The following MDN1 variants were observed in gnomAD, a reference collection of about 807,000 sequenced individuals.
MDN1 encodes midasin.
MDN1 carries 266 observed loss-of-function variants against 669.2 expected under a neutral mutation model. The observed-to-expected ratio is 0.40, with a 90% CI of 0.36 to 0.44. The LOEUF is 0.44. Among genes scored for constraint, MDN1 ranks in the 20% least tolerant of loss-of-function variants. The pLI is 1.00. For missense variants in MDN1, 5,940 were observed against 6,754.0 expected (o/e 0.88, Z 4.22); for synonymous variants, 2,385 against 2,457.1 (o/e 0.97, Z 0.87).
intron 34 of MDN1, among the ~76,000 whole-genome samples, chr6:89,731,605 G>C (rs1268279028): frequency 1.3e-5 from 2 of 151,852 alleles, no homozygotes; most frequent in South Asian, 2.1e-4. Context: ...ACTGGGGCCT[G>C]TCAGGGGATG....
chr6:89,654,525 C>G (rs879718), intron 92 of MDN1, among the ~76,000 whole-genome samples, 191 bp from the exon 93 acceptor site: 1 of 151,792 alleles, frequency 6.6e-6, no homozygotes, highest in Admixed American at 6.6e-5. Flanking sequence ...ACATAATGAA[C>G]TGCCTGTTCC....
intron 1 of MDN1, among the ~76,000 whole-genome samples, chr6:89,816,424 C>G (rs1242373088): frequency 3.8e-5 from 2 of 52,048 alleles, no homozygotes; most frequent in Non-Finnish European, 3.9e-5. Context: ...GGTGAGGAGA[C>G]TGCATTTGGG....
intron 33 of MDN1, among the ~76,000 whole-genome samples, chr6:89,736,454 C>T (rs950143369): frequency 5.9e-5 from 9 of 152,300 alleles, no homozygotes; most frequent in East Asian, 1.9e-4. Context: ...AATCCAGCCC[C>T]GACACAGACC....
At chr6:89,758,205 A>G (rs989014199) in intron 19 of MDN1, 50 bp downstream of exon 19, 6 of 1,450,660 alleles carry the variant, frequency 4.1e-6, no homozygotes, top group East Asian at 2.3e-5. Flanking sequence ...TGGGCAACAG[A>G]GCAAGAACCT....
Position 89,673,238 on chromosome 6 carries a change from C to A in MDN1, c.13472G>T (p.Gly4491Val). ...CCTGACTGAACAATATTCCTTACCTCCTTGGCTATCTGAAGTAAGCAGATG... is the reference window on the plus strand; with the variant it reads ...CCTGACTGAACAATATTCCTTACCTACTTGGCTATCTGAAGTAAGCAGATG... ...KTHLLTSDSQ[G>V]GNQMLDEGFV... is the part of the protein sequence containing the mutation. Residue 4491 changes from glycine to valine, a missense_variant and splice_region_variant, in exon 80 of 102, where the codon GGA (glycine) becomes GTA (valine). Physicochemically the swap from Gly to Val is moderately radical, Grantham distance 109. Around this residue, in one of 5 missense-constraint regions of MDN1, gnomAD observed 2,280 missense variants for 2,576.3 expected, o/e 0.88. Coordinates refer to ENST00000369393, the MANE Select transcript of MDN1 (RefSeq NM_014611.3). The A allele has an allele frequency of 6.2e-7, 1 of 1,612,368 alleles. No individual in the cohort carries two copies. The highest frequency in any genetic ancestry group is 1.7e-5 in the Admixed American group (1 of 60,022).
intron 1 of MDN1, chr6:89,815,183 C>T: frequency 2.6e-6 from 1 of 386,526 alleles, no homozygotes; most frequent in Non-Finnish European, 5.1e-6. Context: ...GCTCACGTGC[C>T]TACCCTCTAC....
chr6:89,770,400 C>CA (rs572130757), intron 15 of MDN1, among the ~76,000 whole-genome samples: 1,036 of 60,804 alleles, frequency 0.017, 6 homozygotes, highest in Middle Eastern at 0.045. Flanking sequence ...GACTCTGTCT[C>CA]AAAAAAAAAA....
intron 65 of MDN1, among the ~76,000 whole-genome samples, chr6:89,689,519 G>A (rs963124199): frequency 2.0e-5 from 3 of 152,044 alleles, no homozygotes; most frequent in African/African-American, 7.2e-5. Context: ...CATTTCAAAA[G>A]CACTAAGGCT....
At chr6:89,743,323 C>T (rs551325827) in intron 30 of MDN1, 43 bp from the exon 31 acceptor site, 108 of 1,610,974 alleles carry the variant, frequency 6.7e-5, no homozygotes, top group Middle Eastern at 6.6e-4. Flanking sequence ...GCAGGTGGCT[C>T]CACAGACAAT....
At position 89,730,938 on chromosome 6, in the gene MDN1, A is replaced by C. The variant is rs1449993574; in HGVS notation, c.4943-15T>G. On this transcript the variant is annotated splice_polypyrimidine_tract_variant and intron_variant, in intron 34 of 101. Transcript: ENST00000369393. ...GGAAGTTACCCCTAAAAGACAGAGGATCAGTCCATGAAGCAACAGTACAAC... is the reference window on the plus strand; with the variant it reads ...GGAAGTTACCCCTAAAAGACAGAGGCTCAGTCCATGAAGCAACAGTACAAC... 1 of 1,611,528 alleles carries C rather than the reference A, an allele frequency of 6.2e-7. No individual in the cohort carries two copies. The highest frequency in any genetic ancestry group is 8.5e-7 in the Non-Finnish European group (1 of 1,178,164).
rs116360466 is a variant in MDN1 at position 89,648,037 on chromosome 6, C to A, written c.16390G>T (p.Ala5464Ser). 12 of 1,609,236 alleles carry A rather than the reference C, an allele frequency of 7.5e-6. No individual in the cohort carries two copies. Among genetic ancestry groups the A allele is most frequent in the Non-Finnish European group, 1.0e-5 (12 of 1,175,506 alleles). ...ATTTTATTTCATCCTCTTACCTGAGCAATCTTGGTTTTCTTTTGTTGGAAT... is the reference window on the plus strand; with the variant it reads ...ATTTTATTTCATCCTCTTACCTGAGAAATCTTGGTTTTCTTTTGTTGGAAT... Reference protein sequence around the residue: ...CKFQQKKTKIAQFLESVANMF... With the variant: ...CKFQQKKTKISQFLESVANMF... Residue 5464 changes from alanine to serine, a missense_variant, in exon 99 of 102, where the codon GCT becomes TCT. This residue lies in a region of MDN1 where 2,280 missense variants were observed against 2,576.3 expected (regional missense o/e 0.88). Coordinates refer to ENST00000369393, the MANE Select transcript of MDN1 (RefSeq NM_014611.3).
chr6:89,735,263 T>C (rs1815886559), intron 33 of MDN1, among the ~76,000 whole-genome samples: 1 of 151,866 alleles, frequency 6.6e-6, no homozygotes, highest in Admixed American at 6.6e-5. Context: ...CATTAACCAA[T>C]GTAATACAGA....
At chr6:89,739,770 T>G (rs1816187157) in intron 32 of MDN1, among the ~76,000 whole-genome samples, 2 of 152,164 alleles carry the variant, frequency 1.3e-5, no homozygotes, top group African/African-American at 4.8e-5. Flanking sequence ...CGAGAACAAA[T>G]AAGCTCCATC....
chr6:89,690,161 G>A lies in MDN1; in HGVS notation c.10750-18C>T. The A allele has an allele frequency of 2.5e-6, 4 of 1,606,128 alleles. No individual in the cohort carries two copies. The highest frequency in any genetic ancestry group is 3.4e-6 in the Non-Finnish European group (4 of 1,174,980). ...GCAAAGTCCTATAAATAGCATTAGA[G>A]CAATTGAACTTTTAAAAATCAGAAT... On this transcript the variant is annotated intron_variant, in intron 64 of 101. Coordinates refer to ENST00000369393, the MANE Select transcript of MDN1 (RefSeq NM_014611.3).
chr6:89,643,660 C>CTCCTCAAGGCACAGGTGCCCAGA lies in MDN1; in HGVS notation c.*322_*344dup. On this transcript the variant is annotated 3_prime_UTR_variant, in exon 102 of 102. Coordinates refer to ENST00000369393, the MANE Select transcript of MDN1 (RefSeq NM_014611.3). Reference sequence around the variant, plus strand: ...CAGAGTCCCATGCTCCTGGCAGCATCTCCTCAAGGCACAGGTGCCCAGATC... The same window carrying CTCCTCAAGGCACAGGTGCCCAGA: ...CAGAGTCCCATGCTCCTGGCAGCATCTCCTCAAGGCACAGGTGCCCAGATCCTCAAGGCACAGGTGCCCAGATC... 1 of 191,726 alleles carries CTCCTCAAGGCACAGGTGCCCAGA rather than the reference C, an allele frequency of 5.2e-6. No individual in the cohort carries two copies. Among genetic ancestry groups the CTCCTCAAGGCACAGGTGCCCAGA allele is most frequent in the Non-Finnish European group, 1.1e-5 (1 of 92,956 alleles). The allele number at this position is 191,726 out of a possible 1,614,324, so 11.9% of individuals were successfully genotyped here.
chr6:89,794,847 G>T (rs1819494087), intron 2 of MDN1, 46 bp from the exon 3 acceptor site: 1 of 1,531,100 alleles, frequency 6.5e-7, no homozygotes, highest in Non-Finnish European at 9.0e-7. Flanking sequence ...ACAATGGTTG[G>T]ACTTAATTTT....
intron 63 of MDN1, among the ~76,000 whole-genome samples, chr6:89,691,572 A>T (rs1812383769): frequency 6.6e-6 from 1 of 152,190 alleles, no homozygotes; most frequent in African/African-American, 2.4e-5. Context: ...AAACAGTAAA[A>T]GTATATACAA....
At chr6:89,752,204 C>T (rs368952106) in intron 22 of MDN1, among the ~76,000 whole-genome samples, 3 of 152,126 alleles carry the variant, frequency 2.0e-5, no homozygotes, top group East Asian at 1.9e-4. Context: ...TCAAGCTACA[C>T]GTCTAGGCCC....
At chr6:89,663,078 G>T in intron 85 of MDN1, 111 bp from the exon 86 acceptor site, 1 of 1,214,204 alleles carries the variant, frequency 8.2e-7, no homozygotes, top group Non-Finnish European at 1.2e-6. Context: ...GAGATTTATT[G>T]CCTTTTTCTA....
Sources: allele counts gnomAD v4.1 joint callset (sites outside exome capture counted in the v4.1 genomes callset), GRCh38; gene constraint gnomAD v4.1.1; regional missense constraint gnomAD v4.1.1; transcripts MANE v1.5; gene names NCBI Gene and HGNC (gene_info 2026-07-23, HGNC 2026-07-21).